DGKH: variants seen among roughly 807,000 people sequenced by gnomAD.
The protein encoded by DGKH is diacylglycerol kinase eta.
Under a neutral mutation model 159.3 loss-of-function variants are expected in DGKH, and 90 were observed. The observed-to-expected ratio is 0.57, with a 90% CI of 0.48 to 0.67. The LOEUF (loss-of-function observed/expected upper bound fraction) is 0.67. DGKH is among the 30% of genes least tolerant of loss of function. DGKH has a pLI of 0.00. For missense variants in DGKH, 1,181 were observed against 1,506.1 expected (o/e 0.78, Z 3.57); for synonymous variants, 536 against 553.8 (o/e 0.97, Z 0.45).
intron 1 of DGKH, among the ~76,000 whole-genome samples, chr13:42,100,488 A>G (rs142450222): frequency 0.012 from 1,881 of 152,244 alleles, 32 homozygotes; most frequent in South Asian, 0.057. Context: ...CTTTCACGAA[A>G]CCGGTCCCTG....
chr13:42,113,330 C>T (rs1954902999), intron 1 of DGKH, among the ~76,000 whole-genome samples: 1 of 152,108 alleles, frequency 6.6e-6, no homozygotes, highest in Non-Finnish European at 1.5e-5. Flanking sequence ...ATTCCAATCA[C>T]CAAAAGAGAT....
At chr13:42,177,550 G>A (rs1880457883) in intron 12 of DGKH, among the ~76,000 whole-genome samples, 1 of 152,190 alleles carries the variant, frequency 6.6e-6, no homozygotes, top group Admixed American at 6.5e-5. Flanking sequence ...CATTGCATAT[G>A]TTCAGCTTTA....
intron 29 of DGKH, among the ~76,000 whole-genome samples, chr13:42,248,195 G>T (rs1043457187): frequency 6.6e-6 from 1 of 152,082 alleles, no homozygotes; most frequent in African/African-American, 2.4e-5. Context: ...GCCCAGGCAG[G>T]CCTATCATTT....
chr13:42,174,202 A>T, intron 12 of DGKH, 58 bp downstream of exon 12: 1 of 1,365,006 alleles, frequency 7.3e-7, no homozygotes, highest in Non-Finnish European at 1.0e-6. Context: ...TGAGAAAAAA[A>T]AAAGAAAGAG....
chr13:42,219,065 A>T (rs550379540), intron 26 of DGKH, among the ~76,000 whole-genome samples, 165 bp from the exon 27 acceptor site: 2 of 152,214 alleles, frequency 1.3e-5, no homozygotes, highest in African/African-American at 4.8e-5. Context: ...TTTAAAAATG[A>T]AATCAATATA....
chr13:42,094,388 T>C (rs749862292), intron 1 of DGKH, among the ~76,000 whole-genome samples: 2 of 152,232 alleles, frequency 1.3e-5, no homozygotes, highest in African/African-American at 4.8e-5. Flanking sequence ...AGTACAGTTT[T>C]CATCTTTAAA....
At chr13:42,117,856 G>A (rs1417540475) in intron 1 of DGKH, among the ~76,000 whole-genome samples, 2 of 152,148 alleles carry the variant, frequency 1.3e-5, no homozygotes, top group African/African-American at 4.8e-5. Context: ...GTATACCTTT[G>A]AGCGTTGTGT....
intron 1 of DGKH, chr13:42,043,629 T>G (rs1880642438): frequency 6.6e-6 from 1 of 152,200 alleles, no homozygotes; most frequent in South Asian, 2.1e-4. Context: ...ATGTAAAATT[T>G]GCTTTTTAAA....
At chr13:42,090,700 G>A (rs1389095836) in intron 1 of DGKH, among the ~76,000 whole-genome samples, 3 of 152,256 alleles carry the variant, frequency 2.0e-5, no homozygotes, top group Admixed American at 6.5e-5. Context: ...TATTGCAAAA[G>A]CATGAAGTTA....
chr13:42,105,229 A>G (rs557825106), intron 1 of DGKH, among the ~76,000 whole-genome samples: 2 of 152,244 alleles, frequency 1.3e-5, no homozygotes, highest in East Asian at 3.9e-4. Flanking sequence ...CCATGGCTGA[A>G]GGCAGAAGGG....
chr13:42,072,058 AT>A (rs1290041680), intron 1 of DGKH, among the ~76,000 whole-genome samples: 1 of 152,174 alleles, frequency 6.6e-6, no homozygotes, highest in African/African-American at 2.4e-5. Flanking sequence ...TAGGAGCTGT[AT>A]TTTGCTCCTA....
chr13:42,047,843 T>TA (rs1481878520), upstream of DGKH, among the ~76,000 whole-genome samples: 2 of 152,246 alleles, frequency 1.3e-5, no homozygotes, highest in Non-Finnish European at 2.9e-5. Context: ...CGCTTCAGCT[T>TA]AGACACTTCT....
intron 18 of DGKH, among the ~76,000 whole-genome samples, chr13:42,199,251 C>T (rs1361937139): frequency 6.6e-6 from 1 of 151,994 alleles, no homozygotes; most frequent in Non-Finnish European, 1.5e-5. Context: ...TAAAGCCTTC[C>T]CATAATCACC....
chr13:42,082,545 GT>G (rs1414947335), intron 1 of DGKH, among the ~76,000 whole-genome samples: 2 of 152,066 alleles, frequency 1.3e-5, no homozygotes, highest in African/African-American at 4.8e-5. Context: ...TTGAACTTTA[GT>G]TTATGGTACA....
chr13:42,217,002 AC>A (rs1957815937), intron 26 of DGKH, among the ~76,000 whole-genome samples: 1 of 152,282 alleles, frequency 6.6e-6, no homozygotes, highest in Non-Finnish European at 1.5e-5. Context: ...ATATGGATGG[AC>A]TTTCCTTCTC....
At chr13:42,093,291 G>A (rs533729912) in intron 1 of DGKH, among the ~76,000 whole-genome samples, 6 of 151,478 alleles carry the variant, frequency 4.0e-5, no homozygotes, top group South Asian at 2.1e-4. Flanking sequence ...TTTGGGAAAT[G>A]CAATCAAAAC....
At chr13:42,178,319 A>T (rs1956658781) in intron 13 of DGKH, 99 bp downstream of exon 13, 1 of 902,148 alleles carries the variant, frequency 1.1e-6, no homozygotes, top group South Asian at 2.5e-5. Context: ...TTCTCAAAAA[A>T]TATCTTGGAA....
At chr13:42,182,908 TA>T (rs5803119) in intron 13 of DGKH, among the ~76,000 whole-genome samples, 73,971 of 147,958 alleles carry the variant, frequency 0.5, 18,765 homozygotes, top group Non-Finnish European at 0.58. Flanking sequence ...ACAAGGTCTT[TA>T]AAAAAAAAAA....
intron 13 of DGKH, among the ~76,000 whole-genome samples, chr13:42,179,933 T>C (rs1162425460): frequency 3.3e-5 from 5 of 152,176 alleles, no homozygotes; most frequent in Non-Finnish European, 7.4e-5. Flanking sequence ...TAACAAGAAT[T>C]CCACTTCATT....
Sources: allele counts gnomAD v4.1 joint callset (sites outside exome capture counted in the v4.1 genomes callset), GRCh38; gene constraint gnomAD v4.1.1; transcripts MANE v1.5; gene names NCBI Gene and HGNC (gene_info 2026-07-23, HGNC 2026-07-21).